PAX5: variants seen among roughly 807,000 people sequenced by gnomAD.
The protein encoded by PAX5 is paired box protein Pax-5.
A neutral mutation model predicts 43.7 loss-of-function variants in PAX5; 9 were observed. The ratio of observed to expected loss-of-function variants is 0.21; its 90% CI spans 0.12 to 0.36. The LOEUF (loss-of-function observed/expected upper bound fraction) is 0.36. PAX5 is among the 10% of genes least tolerant of loss of function. The pLI, the probability that PAX5 is intolerant of heterozygous loss-of-function variation, is 1.00. For missense variants in PAX5, 383 were observed against 532.7 expected (o/e 0.72, Z 2.77); for synonymous variants, 228 against 214.3 (o/e 1.06, Z -0.56).
At chr9:36,985,267 T>C (rs1836295556) in intron 5 of PAX5, among the ~76,000 whole-genome samples, 1 of 152,316 alleles carries the variant, frequency 6.6e-6, no homozygotes, top group Middle Eastern at 3.4e-3. Flanking sequence ...TCTGAGCACA[T>C]AGCAGGTGCC....
rs1290244159 is a variant in PAX5, at chr9:36,837,372, T to A, written c.*3188A>T. The A allele has an allele frequency of 8.6e-6, 2 of 233,186 alleles. No homozygotes were observed. The highest frequency in any genetic ancestry group is 8.5e-6 in the Non-Finnish European group (1 of 118,056). The allele number at this position is 233,186 out of a possible 1,614,324, so 14.4% of individuals were successfully genotyped here. ...GTTGGGTTTGATATATCATCCAATT[T>A]TTCTAGGTTGGAGCTAGACTGATGG... On this transcript the variant is annotated 3_prime_UTR_variant, in exon 10 of 10. Coordinates refer to ENST00000358127, the MANE Select transcript of PAX5 (RefSeq NM_016734.3).
chr9:36,836,324 G>A lies in PAX5; in HGVS notation c.*4236C>T, dbSNP rs994295293. 1.3e-5 allele frequency: 3 copies of A among 233,266 alleles called. No individual in the cohort carries two copies. Among genetic ancestry groups the A allele is most frequent in the South Asian group, 1.8e-4 (1 of 5,516 alleles). 14.4% of individuals were successfully genotyped at this position (233,266 alleles called of 1,614,324 possible). A position where few individuals can be genotyped will look rare whatever the true frequency, so the allele number is the denominator to read the frequency against. ...AGAGTGGCAGGCTCTGGGCGTGCCC[G>A]TTTCTACCCCTGCCTTGCTGGACAC... On this transcript the variant is annotated 3_prime_UTR_variant, in exon 10 of 10. Transcript: ENST00000358127.
chr9:36,960,554 A>G (rs1403132825), intron 6 of PAX5, among the ~76,000 whole-genome samples: 1 of 152,206 alleles, frequency 6.6e-6, no homozygotes, highest in Non-Finnish European at 1.5e-5. Context: ...GGTAGGCTTC[A>G]AGAAGAAAGA....
In PAX5 at chr9:36,907,553, C is replaced by T. The variant is rs116897544; in HGVS notation, c.910+15802G>A. Among the ~76,000 whole-genome samples, 1,137 of 152,280 alleles carry T rather than the reference C, an allele frequency of 7.5e-3. 6 individuals carry two copies. The highest frequency in any genetic ancestry group is 0.012 in the Non-Finnish European group (842 of 68,018). On this transcript the variant is annotated intron_variant, in intron 7 of 9. Coordinates refer to ENST00000358127, the MANE Select transcript of PAX5 (RefSeq NM_016734.3). ...CGTGTATCAAATACTGAGAGAGATTCGCCCCCTAGCCCTGAGGATCGGGGC... is the reference window on the plus strand; with the variant it reads ...CGTGTATCAAATACTGAGAGAGATTTGCCCCCTAGCCCTGAGGATCGGGGC...
chr9:37,007,431 C>T lies in PAX5; in HGVS notation c.411-894G>A, dbSNP rs147944362. On this transcript the variant is annotated intron_variant, in intron 3 of 9. Transcript: ENST00000358127. Reference sequence around the variant, plus strand: ...CTGCCTTCCCTTGGCCATCTGACCGCTCTAACATCCTTCTGCAGAACCTTA... The same window carrying T: ...CTGCCTTCCCTTGGCCATCTGACCGTTCTAACATCCTTCTGCAGAACCTTA... 52 of 152,352 alleles carry T rather than the reference C, an allele frequency of 3.4e-4. 1 individual carries two copies. Among genetic ancestry groups the T allele is most frequent in the African/African-American group, 1.2e-3 (48 of 41,584 alleles). The allele number at this position is 152,352 out of a possible 1,614,324, so 9.4% of individuals were successfully genotyped here.
intron 6 of PAX5, chr9:36,930,961 G>T: frequency 1.4e-6 from 1 of 705,768 alleles, no homozygotes; most frequent in Non-Finnish European, 2.2e-6. Context: ...TAGCATGGAG[G>T]AGAAAAGAAA....
At chr9:36,855,857 C>T (rs147495698) in intron 8 of PAX5, among the ~76,000 whole-genome samples, 38 of 152,326 alleles carry the variant, frequency 2.5e-4, no homozygotes, top group African/African-American at 8.7e-4. Flanking sequence ...TTCCCTTCCT[C>T]ATGTCCAATT....
At chr9:36,875,770 C>T (rs1340324420) in intron 8 of PAX5, among the ~76,000 whole-genome samples, 2 of 152,098 alleles carry the variant, frequency 1.3e-5, no homozygotes, top group African/African-American at 4.8e-5. Context: ...TCGCCAGTTT[C>T]GACAAGGAAG....
intron 6 of PAX5, among the ~76,000 whole-genome samples, chr9:36,964,203 C>T (rs1233861328): frequency 6.6e-6 from 1 of 151,856 alleles, no homozygotes; most frequent in African/African-American, 2.4e-5. Context: ...AAGGCGCGAA[C>T]CCGGGAGGTG....
In PAX5 at chr9:37,002,735, C is replaced by T; in HGVS notation, c.517G>A (p.Asp173Asn). 1 of 1,610,572 alleles carries T rather than the reference C, an allele frequency of 6.2e-7. No individual in the cohort carries two copies. Among genetic ancestry groups the T allele is most frequent in the Non-Finnish European group, 8.5e-7 (1 of 1,178,890 alleles). Residue 173 changes from aspartate to asparagine, a missense_variant, in exon 5 of 10, where the codon GAT becomes AAT. Physicochemically the swap from Asp to Asn is conservative, Grantham distance 23. Transcript: ENST00000358127. ...SVTQVSSVST[D>N]SAGSSYSISG... ...ATGGAGTACGACGAGCCGGCCGAATCCGTGCTCACCGAGGACACCTGCGTC... is the reference window on the plus strand; with the variant it reads ...ATGGAGTACGACGAGCCGGCCGAATTCGTGCTCACCGAGGACACCTGCGTC...
At chr9:36,889,201 C>G (rs1040815644) in intron 7 of PAX5, among the ~76,000 whole-genome samples, 2 of 152,154 alleles carry the variant, frequency 1.3e-5, no homozygotes, top group Non-Finnish European at 2.9e-5. Context: ...CAAGCCAGGC[C>G]CTGGCCAGGC....
intron 7 of PAX5, among the ~76,000 whole-genome samples, chr9:36,886,550 G>T (rs1357122906): frequency 1.3e-5 from 2 of 152,174 alleles, no homozygotes; most frequent in African/African-American, 4.8e-5. Flanking sequence ...TTTACAACCT[G>T]TCAACACAAG....
At chr9:37,013,325 T>C (rs1171212558) in intron 3 of PAX5, among the ~76,000 whole-genome samples, 1 of 152,156 alleles carries the variant, frequency 6.6e-6, no homozygotes, top group Non-Finnish European at 1.5e-5. Flanking sequence ...CCTGGCCTGC[T>C]TCCCTCATTA....
intron 8 of PAX5, among the ~76,000 whole-genome samples, chr9:36,870,933 C>G (rs977597249): frequency 6.6e-6 from 1 of 152,258 alleles, no homozygotes; most frequent in Non-Finnish European, 1.5e-5. Context: ...ATAGGGTGCC[C>G]TCAGGGCAGG....
Position 36,966,979 on chromosome 9 carries a change from A to G in PAX5, c.605-255T>C, listed in dbSNP as rs527533766. Among the ~76,000 whole-genome samples the G allele has an allele frequency of 5.9e-5, 9 of 152,256 alleles. No individual in the cohort carries two copies. The South Asian group carries it at 1.9e-3, about 32-fold the overall frequency. On this transcript the variant is annotated intron_variant, in intron 5 of 9. Coordinates refer to ENST00000358127, the MANE Select transcript of PAX5 (RefSeq NM_016734.3). ...ACAGGCATCATGTCATCTAATCCTC[A>G]TGATGACCCTCAAGGTAGGTTATTT... is the stretch of plus-strand genomic sequence containing the variant.
chr9:36,976,162 G>A lies in PAX5; in HGVS notation c.605-9438C>T, dbSNP rs187500845. On this transcript the variant is annotated intron_variant, in intron 5 of 9. Coordinates refer to ENST00000358127, the MANE Select transcript of PAX5 (RefSeq NM_016734.3). ...GTTCATAGAATTTTGAACTAGAGTG[G>A]ATGATAAACTACTAAACTCAGTTGA... Among the ~76,000 whole-genome samples the A allele has an allele frequency of 1.2e-3, 178 of 152,288 alleles. 1 individual carries two copies. Among genetic ancestry groups the A allele is most frequent in the Non-Finnish European group, 7.2e-4 (49 of 68,040 alleles).
At chr9:36,933,374 T>A (rs1831283475) in intron 6 of PAX5, among the ~76,000 whole-genome samples, 1 of 152,270 alleles carries the variant, frequency 6.6e-6, no homozygotes, top group East Asian at 1.9e-4. Flanking sequence ...CATCCCTGCA[T>A]CTTCAGGGAT....
intron 5 of PAX5, among the ~76,000 whole-genome samples, chr9:36,990,289 T>G (rs1179403199): frequency 6.6e-6 from 1 of 151,842 alleles, no homozygotes; most frequent in Non-Finnish European, 1.5e-5. Flanking sequence ...ATTCCAGGAG[T>G]AGTCATTGTT....
At chr9:36,929,255 AAGGAAGG>A (rs1830927498) in intron 6 of PAX5, among the ~76,000 whole-genome samples, 3 of 80,942 alleles carry the variant, frequency 3.7e-5, no homozygotes, top group Non-Finnish European at 6.9e-5. Context: ...GGAAGGAAGG[AAGGAAGG>A]AAGGAAGGAA....
Sources: gnomAD v4.1 joint callset for allele counts (sites outside exome capture counted in the v4.1 genomes callset) on GRCh38, gnomAD v4.1.1 for gene constraint, MANE v1.5 for transcripts, NCBI Gene and HGNC (gene_info 2026-07-23, HGNC 2026-07-21) for gene names.